Variants in EDARADD observed in about 807,000 individuals in gnomAD.
The protein encoded by EDARADD is ectodysplasin-A receptor-associated adapter protein.
Under a neutral mutation model 25.6 loss-of-function variants are expected in EDARADD, and 20 were observed. That is an observed-to-expected ratio of 0.78 (90% CI 0.55 to 1.14). EDARADD has a LOEUF of 1.14. EDARADD is among the 50% of genes most tolerant of loss of function. The pLI, the probability that EDARADD is intolerant of heterozygous loss-of-function variation, is 0.00. For synonymous variants in EDARADD, 86 were observed against 94.4 expected (o/e 0.91, Z 0.52); for missense variants, 225 against 270.1 (o/e 0.83, Z 1.17).
intron 1 of EDARADD, among the ~76,000 whole-genome samples, chr1:236,406,452 G>A (rs1031106518): frequency 1.3e-5 from 2 of 152,152 alleles, no homozygotes; most frequent in Non-Finnish European, 2.9e-5. Context: ...AAACCTAGAT[G>A]GTGTAACCTA....
chr1:236,427,384 T>C lies in EDARADD; in HGVS notation c.161-8T>C. On this transcript the variant is annotated splice_polypyrimidine_tract_variant and splice_region_variant and intron_variant, in intron 3 of 5. Coordinates refer to ENST00000334232, the MANE Select transcript of EDARADD (RefSeq NM_145861.4). ...GTTTCTTTCTTTCTTTCTTTTTTTT[T>C]TTCCTAGCTGAAGAATGTGATACAA... The C allele has an allele frequency of 1.9e-6, 3 of 1,609,152 alleles. No individual in the cohort carries two copies. The highest frequency in any genetic ancestry group is 1.7e-5 in the Admixed American group (1 of 59,582).
In EDARADD at chr1:236,455,853, G is replaced by A. The variant is rs914398782; in HGVS notation, c.220-12378G>A. Among the ~76,000 whole-genome samples, 5 of 152,298 alleles carry A rather than the reference G, an allele frequency of 3.3e-5. No homozygotes were observed. The South Asian group carries it at 8.3e-4, about 25-fold the overall frequency. On this transcript the variant is annotated intron_variant, in intron 4 of 5. Transcript: ENST00000334232. ...CACCCAGGCTGGAGAGCAGTTGCGCGATCTTTGCTCACTGCAACCTCTGCC... is the reference window on the plus strand; with the variant it reads ...CACCCAGGCTGGAGAGCAGTTGCGCAATCTTTGCTCACTGCAACCTCTGCC...
chr1:236,470,038 C>T (rs1280775874), intron 5 of EDARADD, among the ~76,000 whole-genome samples: 1 of 152,044 alleles, frequency 6.6e-6, no homozygotes, highest in African/African-American at 2.4e-5. Flanking sequence ...GCTCAAGCCT[C>T]CTCCCACCTC....
At chr1:236,445,395 T>C (rs1658509301) in intron 4 of EDARADD, among the ~76,000 whole-genome samples, 1 of 151,974 alleles carries the variant, frequency 6.6e-6, no homozygotes, top group Non-Finnish European at 1.5e-5. Context: ...GCCCGGCTGA[T>C]TTTTGCATTT....
intron 3 of EDARADD, among the ~76,000 whole-genome samples, chr1:236,416,293 C>T (rs1358411304): frequency 6.6e-6 from 1 of 152,158 alleles, no homozygotes; most frequent in African/African-American, 2.4e-5. Context: ...GCAGGGAAAT[C>T]CAGCCGAAGA....
intron 2 of EDARADD, among the ~76,000 whole-genome samples, chr1:236,409,967 C>T (rs970874655): frequency 1.3e-5 from 2 of 152,132 alleles, no homozygotes; most frequent in African/African-American, 4.8e-5. Context: ...TTAGTTCTAG[C>T]AGCTGCCTTC....
rs116750916 is a variant in EDARADD at position 236,357,306 on chromosome 1, T to C, written c.-6+6467T>C. Among the ~76,000 whole-genome samples, 1,315 of 152,210 alleles carry C rather than the reference T, an allele frequency of 8.6e-3. 18 individuals are homozygous for C. The highest frequency in any genetic ancestry group is 0.03 in the African/African-American group (1,266 of 41,524). The stretch of plus-strand genomic sequence containing the variant: ...ATCAGCAGGCTTTTTCACAAAATAC[T>C]GCGTTAGTCTGTTTGTGTTTCTATA... On this transcript the variant is annotated intron_variant, in intron 3 of 7. Transcript: ENST00000439430.
At position 236,395,595 on chromosome 1, in the gene EDARADD, C is replaced by T. The variant is rs1001007850; in HGVS notation, c.61+1090C>T. On this transcript the variant is annotated intron_variant, in intron 1 of 5. Transcript: ENST00000334232. This position sits in a 1 kb window ranked among gnomAD's most constrained non-coding sequence, Gnocchi z 6.9. ...CCCGCGCCCCGGAGGCCTGCCAGCC[C>T]CGCTCGGACGCTCGTTTGCCCCTAA... 2.6e-6 allele frequency: 4 copies of T among 1,551,324 alleles called. No individual in the cohort carries two copies. Among genetic ancestry groups the T allele is most frequent in the African/African-American group, 1.4e-5 (1 of 73,222 alleles).
chr1:236,408,013 AAAG>A (rs1667767922), intron 1 of EDARADD, among the ~76,000 whole-genome samples: 2 of 152,202 alleles, frequency 1.3e-5, no homozygotes, highest in South Asian at 4.1e-4. Context: ...GGAAATCAGG[AAAG>A]AAGTAGATTC....
intron 1 of EDARADD, among the ~76,000 whole-genome samples, chr1:236,403,783 C>T (rs1209324390): frequency 6.6e-6 from 1 of 152,242 alleles, no homozygotes; most frequent in Admixed American, 6.5e-5. Context: ...TGCCTGCTCT[C>T]ACCCGCAGCC....
chr1:236,405,860 TC>T (rs1274307958), intron 1 of EDARADD, among the ~76,000 whole-genome samples: 29 of 55,510 alleles, frequency 5.2e-4, no homozygotes, highest in African/African-American at 1.8e-3. Context: ...CTTCCTTCCT[TC>T]CTTCCTTCCT....
chr1:236,390,781 T>C (rs10925114), upstream of EDARADD, among the ~76,000 whole-genome samples: 2,959 of 152,206 alleles, frequency 0.019, 97 homozygotes, highest in African/African-American at 0.066. Flanking sequence ...AATTTTCTCA[T>C]GCCACTTTTC....
intron 4 of EDARADD, among the ~76,000 whole-genome samples, chr1:236,466,993 G>A (rs942864362): frequency 3.9e-5 from 6 of 152,116 alleles, no homozygotes; most frequent in Non-Finnish European, 2.9e-5. Context: ...CGTGAACCCA[G>A]GAGGCGGAGA....
intron 4 of EDARADD, among the ~76,000 whole-genome samples, chr1:236,428,473 A>G (rs1657986865): frequency 6.6e-6 from 1 of 152,042 alleles, no homozygotes; most frequent in African/African-American, 2.4e-5. Context: ...CCTGTTCTCA[A>G]TGAGCTGTTG....
chr1:236,385,705 C>T (rs532738912), intron 3 of EDARADD, among the ~76,000 whole-genome samples: 45 of 141,694 alleles, frequency 3.2e-4, no homozygotes, highest in African/African-American at 1.2e-3. Flanking sequence ...GCTTGGGCGA[C>T]AAGAGCGAAA....
intron 3 of EDARADD, among the ~76,000 whole-genome samples, chr1:236,370,529 G>A (rs641625): frequency 0.29 from 44,775 of 152,010 alleles, 6,950 homozygotes; most frequent in African/African-American, 0.39. Context: ...CCCAGCATTT[G>A]GGGAACAGAG....
chr1:236,456,356 G>A (rs12746576), intron 4 of EDARADD, among the ~76,000 whole-genome samples: 38,947 of 152,042 alleles, frequency 0.26, 5,182 homozygotes, highest in Non-Finnish European at 0.26. Context: ...GTCCTGTGTT[G>A]GAATAACTCA....
At chr1:236,366,863 G>A (rs1558101793) in intron 3 of EDARADD, among the ~76,000 whole-genome samples, 1 of 151,920 alleles carries the variant, frequency 6.6e-6, no homozygotes, top group Non-Finnish European at 1.5e-5. Context: ...GATCACCTGA[G>A]GTCAGGAGTC....
chr1:236,438,331 A>C (rs916657042), intron 4 of EDARADD, among the ~76,000 whole-genome samples: 20 of 152,240 alleles, frequency 1.3e-4, no homozygotes, highest in African/African-American at 4.8e-4. Context: ...AAAACAAAGC[A>C]AAACAAGAAC....
Sources: allele counts gnomAD v4.1 joint callset (sites outside exome capture counted in the v4.1 genomes callset), GRCh38; gene constraint gnomAD v4.1.1; non-coding constraint Gnocchi (gnomAD v3.1); transcripts MANE v1.5; gene names NCBI Gene and HGNC (gene_info 2026-07-23, HGNC 2026-07-21).